Variants in GRM3 observed in about 807,000 individuals in gnomAD.
GRM3 encodes the protein glutamate metabotropic receptor 3.
GRM3 carries 26 observed loss-of-function variants against 70.5 expected under a neutral mutation model. The observed-to-expected ratio is 0.37, with a 90% CI of 0.27 to 0.51. The LOEUF is 0.51. GRM3 is among the 20% of genes least tolerant of loss of function. The pLI is 0.93. For missense variants in GRM3, 859 were observed against 1,123.8 expected (o/e 0.76, Z 3.37); for synonymous variants, 443 against 434.9 (o/e 1.02, Z -0.23).
intron 3 of GRM3, among the ~76,000 whole-genome samples, chr7:86,794,595 G>A (rs1797504874): frequency 6.6e-6 from 1 of 152,186 alleles, no homozygotes; most frequent in African/African-American, 2.4e-5. Context: ...TTGAAAACTA[G>A]TCACCATTTT....
chr7:86,676,038 C>T (rs562738080), intron 1 of GRM3, among the ~76,000 whole-genome samples: 10 of 151,746 alleles, frequency 6.6e-5, no homozygotes, highest in South Asian at 2.1e-4. Flanking sequence ...TGATTGTATT[C>T]GTCAGTGTAT....
intron 3 of GRM3, among the ~76,000 whole-genome samples, chr7:86,819,722 T>A (rs1276215970): frequency 6.6e-6 from 1 of 152,182 alleles, no homozygotes; most frequent in African/African-American, 2.4e-5. Flanking sequence ...AATCCATGAA[T>A]GCCAGAATCA....
intron 1 of GRM3, among the ~76,000 whole-genome samples, chr7:86,727,282 G>A (rs1795614229): frequency 6.6e-6 from 1 of 152,064 alleles, no homozygotes; most frequent in African/African-American, 2.4e-5. Flanking sequence ...GTTCATTGTG[G>A]TCTACTCCCT....
intron 1 of GRM3, among the ~76,000 whole-genome samples, chr7:86,717,985 T>C (rs557936866): frequency 3.1e-4 from 47 of 151,760 alleles, no homozygotes; most frequent in Non-Finnish European, 6.0e-4. Context: ...TATTGATGTG[T>C]GTTCATTTAC....
At position 86,760,822 on chromosome 7, in the gene GRM3, C is replaced by A. The variant is rs79889297; in HGVS notation, c.-140-4184C>A. 1.8e-3 allele frequency among the ~76,000 whole-genome samples: 281 copies of A among 152,104 alleles called. 2 individuals carry two copies. Among genetic ancestry groups the A allele is most frequent in the African/African-American group, 6.3e-3 (262 of 41,504 alleles). ...TTTGATTTGTAATTCTCTAAAATGA[C>A]ATTAAATGTTACTTAGATATGCCCT... is the stretch of plus-strand genomic sequence containing the variant. On this transcript the variant is annotated intron_variant, in intron 1 of 5. Transcript: ENST00000361669.
intron 1 of GRM3, among the ~76,000 whole-genome samples, chr7:86,705,519 A>G (rs537591119): frequency 1.3e-5 from 2 of 152,192 alleles, no homozygotes; most frequent in East Asian, 3.9e-4. Context: ...TAAGTCATCT[A>G]TAGGCTGAGT....
intron 1 of GRM3, among the ~76,000 whole-genome samples, chr7:86,740,673 G>A (rs1795965240): frequency 6.6e-6 from 1 of 152,160 alleles, no homozygotes. Context: ...CAGGCTGAAA[G>A]AAAATTTCTG....
At chr7:86,862,332 A>AT (rs1268476814) in intron 5 of GRM3, among the ~76,000 whole-genome samples, 1 of 152,134 alleles carries the variant, frequency 6.6e-6, no homozygotes, top group Non-Finnish European at 1.5e-5. Context: ...CCTTACCTAC[A>AT]TTTGATGAAG....
intron 1 of GRM3, among the ~76,000 whole-genome samples, chr7:86,696,394 G>A (rs1794818338): frequency 6.6e-6 from 1 of 152,102 alleles, no homozygotes; most frequent in Non-Finnish European, 1.5e-5. Flanking sequence ...ATATGCTAAG[G>A]AATCCCCAAA....
At chr7:86,676,579 G>A (rs1794313554) in intron 1 of GRM3, among the ~76,000 whole-genome samples, 1 of 151,930 alleles carries the variant, frequency 6.6e-6, no homozygotes, top group East Asian at 1.9e-4. Context: ...ACTAAAATAT[G>A]TAAAAGTTAT....
chr7:86,667,599 T>C (rs1794059384), intron 1 of GRM3, among the ~76,000 whole-genome samples: 2 of 152,102 alleles, frequency 1.3e-5, no homozygotes, highest in Admixed American at 6.6e-5. Flanking sequence ...TCTCAAGATA[T>C]TCCCTGGAGT....
At chr7:86,836,153 T>C (rs79150396) in intron 3 of GRM3, among the ~76,000 whole-genome samples, 7,133 of 152,184 alleles carry the variant, frequency 0.047, 531 homozygotes, top group African/African-American at 0.16. Flanking sequence ...GACATTCCCA[T>C]ACAATGTTCA....
At chr7:86,837,512 C>T (rs917175069) in intron 3 of GRM3, among the ~76,000 whole-genome samples, 11 of 152,208 alleles carry the variant, frequency 7.2e-5, no homozygotes, top group African/African-American at 2.4e-4. Context: ...ATTAGCTAAG[C>T]TACATTTTTA....
intron 1 of GRM3, among the ~76,000 whole-genome samples, chr7:86,752,574 T>A (rs1796255424): frequency 6.6e-6 from 1 of 152,040 alleles, no homozygotes; most frequent in Non-Finnish European, 1.5e-5. Flanking sequence ...AACAAGATAG[T>A]AGGGGTCAAT....
chr7:86,803,349 C>T (rs960919731), intron 3 of GRM3, among the ~76,000 whole-genome samples: 6 of 152,306 alleles, frequency 3.9e-5, no homozygotes, highest in African/African-American at 1.4e-4. Flanking sequence ...CAATTTGAAT[C>T]CTTTCTTTTC....
chr7:86,787,437 G>C (rs1222581977), intron 3 of GRM3, among the ~76,000 whole-genome samples: 2 of 152,322 alleles, frequency 1.3e-5, no homozygotes, highest in East Asian at 3.9e-4. Flanking sequence ...TATGGCATGT[G>C]TGATATGGGC....
chr7:86,786,282 T>C lies in GRM3; in HGVS notation c.490T>C (p.Phe164Leu). 1.9e-6 allele frequency: 3 copies of C among 1,613,578 alleles called. No individual in the cohort carries two copies. Among genetic ancestry groups the C allele is most frequent in the Non-Finnish European group, 2.5e-6 (3 of 1,179,598 alleles). ...CTAGGTGGCAAACCTGCTGCGGCTC[T>C]TCCAGATCCCTCAGATCAGCTACGC... Reference protein sequence around the residue: ...SIQVANLLRLFQIPQISYAST... With the variant: ...SIQVANLLRLLQIPQISYAST... The change falls in exon 3 of 6, where the codon TTC (phenylalanine) becomes CTC (leucine). Residue 164 changes from phenylalanine to leucine, a missense_variant. Coordinates refer to ENST00000361669, the MANE Select transcript of GRM3 (RefSeq NM_000840.3). The surrounding 1 kb of genome is among the most constrained non-coding windows in gnomAD (Gnocchi z 6.0).
intron 2 of GRM3, among the ~76,000 whole-genome samples, chr7:86,767,144 A>G (rs1236662209): frequency 6.6e-6 from 1 of 151,954 alleles, no homozygotes; most frequent in Non-Finnish European, 1.5e-5. Context: ...CCCAGGGGGC[A>G]GAGATTGCAG....
intron 4 of GRM3, among the ~76,000 whole-genome samples, chr7:86,846,365 G>T (rs775971875): frequency 7.6e-4 from 115 of 152,156 alleles, no homozygotes; most frequent in Non-Finnish European, 1.5e-3. Flanking sequence ...GTGTCTTGTT[G>T]TCTCAACCTC....
Sources: allele counts gnomAD v4.1 joint callset (sites outside exome capture counted in the v4.1 genomes callset), GRCh38; gene constraint gnomAD v4.1.1; non-coding constraint Gnocchi (gnomAD v3.1); transcripts MANE v1.5; gene names NCBI Gene and HGNC (gene_info 2026-07-23, HGNC 2026-07-21).